Variants in PDE4D observed in about 807,000 individuals in gnomAD.
The protein encoded by PDE4D is phosphodiesterase 4D.
Under a neutral mutation model 87.4 loss-of-function variants are expected in PDE4D, and 24 were observed. The observed-to-expected ratio is 0.27, with a 90% CI of 0.20 to 0.39. The LOEUF (loss-of-function observed/expected upper bound fraction) is 0.39. PDE4D is among the 10% of genes least tolerant of loss of function. PDE4D has a pLI of 1.00. For missense variants in PDE4D, 714 were observed against 1,041.0 expected (o/e 0.69, Z 4.32); for synonymous variants, 384 against 383.2 (o/e 1.00, Z -0.02).
At chr5:59,229,196 C>T (rs1456977096) in intron 1 of PDE4D, among the ~76,000 whole-genome samples, 1 of 152,150 alleles carries the variant, frequency 6.6e-6, no homozygotes, top group Non-Finnish European at 1.5e-5. Context: ...GCAGGTACAA[C>T]AGTGCCTCAC....
intron 1 of PDE4D, among the ~76,000 whole-genome samples, chr5:59,511,217 G>C (rs1018704085): frequency 4.0e-5 from 6 of 151,846 alleles, no homozygotes; most frequent in Non-Finnish European, 5.9e-5. Context: ...AATGAGAAAA[G>C]AAGCTTGAAC....
At chr5:59,707,828 A>G (rs1580573853) in intron 1 of PDE4D, among the ~76,000 whole-genome samples, 1 of 152,246 alleles carries the variant, frequency 6.6e-6, no homozygotes, top group East Asian at 1.9e-4. Context: ...CATGGTGTGT[A>G]TGTACCACAT....
chr5:59,429,036 G>T (rs1468128596), intron 1 of PDE4D, among the ~76,000 whole-genome samples: 2 of 152,076 alleles, frequency 1.3e-5, no homozygotes, highest in African/African-American at 4.8e-5. Flanking sequence ...AATTTTCTGG[G>T]TCTATGCATA....
At chr5:60,516,409 C>T (rs1187200824) in intron 1 of PDE4D, among the ~76,000 whole-genome samples, 1 of 152,206 alleles carries the variant, frequency 6.6e-6, no homozygotes, top group Non-Finnish European at 1.5e-5. Flanking sequence ...ACACCTGTCT[C>T]TGTCTGGCTC....
chr5:59,869,736 AT>A (rs1747549299), intron 1 of PDE4D, among the ~76,000 whole-genome samples: 1 of 152,118 alleles, frequency 6.6e-6, no homozygotes, highest in African/African-American at 2.4e-5. Context: ...GGAATATAAC[AT>A]TTCAGGTCCT....
At chr5:59,993,838 CAT>C (rs1420918396) in intron 2 of PDE4D, among the ~76,000 whole-genome samples, 1 of 151,924 alleles carries the variant, frequency 6.6e-6, no homozygotes, top group Non-Finnish European at 1.5e-5. Flanking sequence ...GAAATGCTCA[CAT>C]ATTGAAATAA....
chr5:60,418,482 GCTTAT>G (rs945750190), intron 1 of PDE4D, among the ~76,000 whole-genome samples: 16 of 151,290 alleles, frequency 1.1e-4, no homozygotes, highest in African/African-American at 3.1e-4. Context: ...AATCGCTGCT[GCTTAT>G]CTTATTTGTT....
chr5:58,989,084 C>G (rs1747249672), intron 10 of PDE4D, among the ~76,000 whole-genome samples: 1 of 152,194 alleles, frequency 6.6e-6, no homozygotes, highest in East Asian at 1.9e-4. Flanking sequence ...CCTCTACCAA[C>G]AAGATGCCAG....
At chr5:60,485,122 C>A (rs1358102015) in intron 1 of PDE4D, among the ~76,000 whole-genome samples, 1 of 152,232 alleles carries the variant, frequency 6.6e-6, no homozygotes, top group East Asian at 1.9e-4. Flanking sequence ...TCCTCTTCTA[C>A]CAGTGTCTAG....
chr5:59,906,571 CAG>C (rs1561845340), intron 3 of PDE4D, among the ~76,000 whole-genome samples: 1 of 152,136 alleles, frequency 6.6e-6, no homozygotes, highest in Non-Finnish European at 1.5e-5. Context: ...TTGAGTATGA[CAG>C]AGACTGTATA....
chr5:59,057,291 C>CAA (rs568691443), intron 5 of PDE4D, among the ~76,000 whole-genome samples: 135 of 152,328 alleles, frequency 8.9e-4, no homozygotes, highest in African/African-American at 3.2e-3. Flanking sequence ...TGGAGTAAGG[C>CAA]AGTCCTTGTT....
At chr5:59,993,870 C>T (rs1763263556) in intron 2 of PDE4D, among the ~76,000 whole-genome samples, 1 of 151,830 alleles carries the variant, frequency 6.6e-6, no homozygotes, top group African/African-American at 2.4e-5. Flanking sequence ...GAACCTGCTA[C>T]CTTGTAGTAA....
chr5:59,093,719 G>A (rs920996151), intron 5 of PDE4D, among the ~76,000 whole-genome samples: 3 of 152,198 alleles, frequency 2.0e-5, no homozygotes, highest in African/African-American at 7.2e-5. Context: ...GTGTGCATAT[G>A]CACCTGTATA....
At chr5:60,194,198 C>T (rs1740939619) in intron 1 of PDE4D, among the ~76,000 whole-genome samples, 1 of 151,694 alleles carries the variant, frequency 6.6e-6, no homozygotes, top group Admixed American at 6.6e-5. Flanking sequence ...TACCCCTCAA[C>T]CCAATGCAAG....
intron 5 of PDE4D, among the ~76,000 whole-genome samples, chr5:59,075,621 A>T (rs571486836): frequency 1.7e-4 from 26 of 152,206 alleles, no homozygotes; most frequent in African/African-American, 5.8e-4. Flanking sequence ...GCATCCACTT[A>T]TTTGGAATTG....
At chr5:59,515,530 T>C (rs1175275010) in intron 1 of PDE4D, among the ~76,000 whole-genome samples, 1 of 152,208 alleles carries the variant, frequency 6.6e-6, no homozygotes, top group Non-Finnish European at 1.5e-5. Flanking sequence ...GATGATACGA[T>C]TGTCTACAAA....
intron 1 of PDE4D, among the ~76,000 whole-genome samples, chr5:59,446,279 T>C (rs1398218395): frequency 1.3e-5 from 2 of 152,158 alleles, no homozygotes; most frequent in African/African-American, 4.8e-5. Context: ...ACCTATATAG[T>C]AACAAGAGTG....
intron 1 of PDE4D, among the ~76,000 whole-genome samples, chr5:59,661,862 G>T (rs914513506): frequency 7.9e-5 from 12 of 152,180 alleles, no homozygotes; most frequent in African/African-American, 2.9e-4. Flanking sequence ...ATTCTGTCCT[G>T]TTTGCCTGGG....
intron 3 of PDE4D, among the ~76,000 whole-genome samples, chr5:59,899,231 A>G (rs996468220): frequency 6.6e-6 from 1 of 152,146 alleles, no homozygotes; most frequent in African/African-American, 2.4e-5. Context: ...TCCTCTGCCA[A>G]TGTTGAGAAT....
Sources: allele counts gnomAD v4.1 joint callset (sites outside exome capture counted in the v4.1 genomes callset), GRCh38; gene constraint gnomAD v4.1.1; transcripts MANE v1.5; gene names NCBI Gene and HGNC (gene_info 2026-07-23, HGNC 2026-07-21).